The following GLMN variants were observed in gnomAD, a reference collection of about 807,000 sequenced individuals.
The protein encoded by GLMN is glomulin, FKBP associated protein, also known as glomulin.
In GLMN, 75 loss-of-function variants were observed where a neutral mutation model predicts 87.8. The observed-to-expected ratio is 0.85, with a 90% CI of 0.71 to 1.04. GLMN has a LOEUF of 1.04. Among genes scored for constraint, GLMN ranks in the 50% least tolerant of loss-of-function variants. The probability of loss-of-function intolerance (pLI) is 0.00; values close to 1 mark genes in which losing one functional copy is unlikely to be tolerated. For synonymous variants in GLMN, 206 were observed against 221.6 expected (o/e 0.93, Z 0.63); for missense variants, 588 against 658.8 (o/e 0.89, Z 1.18).
rs1033537815 is a variant in GLMN, at chr1:92,298,065, T to C, written c.-30-36A>G. ...AAAACACACTGTTAACTATCCGTGA[T>C]ATTACACTTAAGTATTCAAAAGTTA... is the stretch of plus-strand genomic sequence containing the variant. On this transcript the variant is annotated intron_variant, in intron 1 of 18. Coordinates refer to ENST00000370360, the MANE Select transcript of GLMN (RefSeq NM_053274.3). The C allele has an allele frequency of 8.0e-6, 7 of 871,492 alleles. No homozygotes were observed. In the African/African-American group the frequency reaches 9.9e-5, roughly 12 times the overall value. The allele number at this position is 871,492 out of a possible 1,614,324, so 54.0% of individuals were successfully genotyped here.
At chr1:92,337,200 A>G in the GLMN span, among the ~76,000 whole-genome samples, 1 of 152,072 alleles carries the variant, frequency 6.6e-6, no homozygotes, top group Non-Finnish European at 1.5e-5. Context: ...AATTTATCAT[A>G]TATATTTATT....
chr1:92,282,177 C>G (rs939397277), intron 7 of GLMN, among the ~76,000 whole-genome samples: 4 of 152,188 alleles, frequency 2.6e-5, no homozygotes, highest in Admixed American at 2.6e-4. Context: ...ATACATTCTT[C>G]TCAGCACCAT....
At chr1:92,332,953 CAGAG>C in the GLMN span, among the ~76,000 whole-genome samples, 1 of 152,034 alleles carries the variant, frequency 6.6e-6, no homozygotes, top group Non-Finnish European at 1.5e-5. Flanking sequence ...TTTCAGTTCT[CAGAG>C]AGAGAGTCGG....
chr1:92,291,560 A>C, intron 3 of GLMN, 23 bp from the exon 4 acceptor site: 1 of 1,612,098 alleles, frequency 6.2e-7, no homozygotes, highest in Non-Finnish European at 8.5e-7. Context: ...TTTCAGAGTA[A>C]AGCAAACACT....
intron 17 of GLMN, among the ~76,000 whole-genome samples, chr1:92,247,634 A>C (rs1362775188): frequency 6.6e-6 from 1 of 152,212 alleles, no homozygotes; most frequent in Non-Finnish European, 1.5e-5. Flanking sequence ...AAATAGCTGT[A>C]ATACAGATTC....
At chr1:92,294,256 T>G (rs1438757352) in intron 3 of GLMN, among the ~76,000 whole-genome samples, 2 of 152,128 alleles carry the variant, frequency 1.3e-5, no homozygotes, top group African/African-American at 4.8e-5. Context: ...AAATTAGAAT[T>G]TTTTTAAAAA....
upstream of GLMN, chr1:92,300,374 A>G (rs1650739917): frequency 1.0e-5 from 7 of 692,998 alleles, no homozygotes; most frequent in African/African-American, 7.2e-5. Flanking sequence ...AGATCTGGGA[A>G]GGCCTATAAA....
chr1:92,283,333 G>A (rs906580771), intron 7 of GLMN, among the ~76,000 whole-genome samples: 4 of 152,104 alleles, frequency 2.6e-5, no homozygotes, highest in African/African-American at 4.8e-5. Context: ...ATCAATAAAC[G>A]TAATCTATCA....
At chr1:92,364,977 T>C in the GLMN span, among the ~76,000 whole-genome samples, 1 of 152,218 alleles carries the variant, frequency 6.6e-6, no homozygotes, top group Non-Finnish European at 1.5e-5. Flanking sequence ...ATTCACCTTA[T>C]TTCCCTTTTA....
chr1:92,287,745 TC>T (rs1648938799), intron 6 of GLMN, among the ~76,000 whole-genome samples: 2 of 151,804 alleles, frequency 1.3e-5, no homozygotes, highest in Admixed American at 1.3e-4. Flanking sequence ...AGAGACGAGG[TC>T]TTGCTATGTT....
At chr1:92,293,298 T>C (rs951362411) in intron 3 of GLMN, among the ~76,000 whole-genome samples, 23 of 151,984 alleles carry the variant, frequency 1.5e-4, no homozygotes, top group African/African-American at 5.3e-4. Flanking sequence ...CAAAAGACAG[T>C]CAATAACAAA....
chr1:92,255,407 C>T (rs1008359561), intron 16 of GLMN, among the ~76,000 whole-genome samples: 1 of 152,146 alleles, frequency 6.6e-6, no homozygotes, highest in Admixed American at 6.5e-5. Context: ...ACCAAGCAGA[C>T]CTAACAGACA....
At chr1:92,365,922 G>A in the GLMN span, among the ~76,000 whole-genome samples, 1 of 152,072 alleles carries the variant, frequency 6.6e-6, no homozygotes, top group Admixed American at 6.6e-5. Context: ...AAAGTCACTT[G>A]AGCCTCAACA....
At chr1:92,317,132 G>A in the GLMN span, among the ~76,000 whole-genome samples, 32 of 152,098 alleles carry the variant, frequency 2.1e-4, no homozygotes, top group African/African-American at 7.7e-4. Context: ...GGCCTAATTC[G>A]AATCCTAGAT....
At chr1:92,304,420 G>A in the GLMN span, 2 of 781,298 alleles carry the variant, frequency 2.6e-6, no homozygotes, top group Non-Finnish European at 4.1e-6. Flanking sequence ...ACAAGGCATG[G>A]CAATTAATTT....
the GLMN span, among the ~76,000 whole-genome samples, chr1:92,320,839 T>G: frequency 6.6e-6 from 1 of 152,236 alleles, no homozygotes; most frequent in Non-Finnish European, 1.5e-5. Flanking sequence ...TATGATTTAT[T>G]GTACAGCTGT....
upstream of GLMN, among the ~76,000 whole-genome samples, chr1:92,302,640 C>T (rs1342457792): frequency 2.5e-4 from 28 of 111,328 alleles, no homozygotes; most frequent in African/African-American, 8.7e-4. Context: ...CTCACTCTGT[C>T]GCCCAGGCTG....
intron 1 of GLMN, among the ~76,000 whole-genome samples, chr1:92,298,432 G>A (rs1650425050): frequency 6.6e-6 from 1 of 152,110 alleles, no homozygotes; most frequent in South Asian, 2.1e-4. Flanking sequence ...CCAAAAGGTG[G>A]ACCTGAAATC....
chr1:92,352,947 A>G, the GLMN span, among the ~76,000 whole-genome samples: 2 of 152,216 alleles, frequency 1.3e-5, no homozygotes, highest in Admixed American at 1.3e-4. Context: ...AAATGGAATC[A>G]TATGTGACCT....
Sources: gnomAD v4.1 joint callset for allele counts (sites outside exome capture counted in the v4.1 genomes callset) on GRCh38, gnomAD v4.1.1 for gene constraint, MANE v1.5 for transcripts, NCBI Gene and HGNC (gene_info 2026-07-23, HGNC 2026-07-21) for gene names.